The following PDCD10 variants were observed in gnomAD, a reference collection of about 807,000 sequenced individuals.
The protein encoded by PDCD10 is programmed cell death 10.
In PDCD10, 4 loss-of-function variants were observed where a neutral mutation model predicts 29.2. The ratio of observed to expected loss-of-function variants is 0.14; its 90% CI spans 0.07 to 0.31. The LOEUF (loss-of-function observed/expected upper bound fraction) is 0.31, where lower values mean the gene tolerates loss of function less well. Ranked by LOEUF, PDCD10 falls within the 10% of genes least tolerant of loss-of-function variation. The pLI, the probability that PDCD10 is intolerant of heterozygous loss-of-function variation, is 1.00. For synonymous variants in PDCD10, 70 were observed against 82.2 expected, an observed-to-expected ratio of 0.85 and a Z score of 0.80; for missense variants, 183 against 257.9, an observed-to-expected ratio of 0.71 and a Z score of 1.99.
intron 8 of PDCD10, among the ~76,000 whole-genome samples, chr3:167,685,359 C>T (rs1192892425): frequency 1.5e-5 from 2 of 137,810 alleles, no homozygotes; most frequent in Non-Finnish European, 3.0e-5. Context: ...GCAGTGAGCC[C>T]AGATCCAGCC....
chr3:167,697,959 G>A (rs1331747691), intron 4 of PDCD10: 1 of 456,468 alleles, frequency 2.2e-6, no homozygotes, highest in Non-Finnish European at 4.4e-6. Flanking sequence ...TTATGCTGAT[G>A]ATTTTCTTTC....
At chr3:167,704,227 T>A (rs967702085) in intron 4 of PDCD10, among the ~76,000 whole-genome samples, 4 of 152,210 alleles carry the variant, frequency 2.6e-5, no homozygotes, top group African/African-American at 9.6e-5. Flanking sequence ...CAAATACTTT[T>A]AAATTTTTAC....
intron 4 of PDCD10, chr3:167,698,033 T>C (rs560420493): frequency 2.2e-6 from 1 of 456,002 alleles, no homozygotes; most frequent in African/African-American, 2.0e-5. Context: ...CAGATGGCAA[T>C]CTTTTTGTTT....
intron 4 of PDCD10, among the ~76,000 whole-genome samples, chr3:167,701,073 T>C (rs1721370244): frequency 1.3e-5 from 2 of 152,040 alleles, no homozygotes; most frequent in African/African-American, 2.4e-5. Flanking sequence ...CCTCAAGCCT[T>C]GAAGGGAGAA....
chr3:167,704,530 A>G (rs998632378), intron 4 of PDCD10: 3 of 240,770 alleles, frequency 1.2e-5, no homozygotes, highest in South Asian at 5.5e-5. Flanking sequence ...GCCCAGCCAT[A>G]TAAGTTTTCA....
At chr3:167,718,138 A>G (rs1490762034) in intron 3 of PDCD10, among the ~76,000 whole-genome samples, 1 of 152,126 alleles carries the variant, frequency 6.6e-6, no homozygotes, top group Non-Finnish European at 1.5e-5. Context: ...ATTGTTACCA[A>G]GATAGGTTAC....
intron 3 of PDCD10, among the ~76,000 whole-genome samples, chr3:167,717,296 C>A (rs1388219186): frequency 2.0e-5 from 3 of 152,002 alleles, no homozygotes; most frequent in Non-Finnish European, 4.4e-5. Context: ...AAGATGATTA[C>A]TAGACTACCA....
intron 2 of PDCD10, among the ~76,000 whole-genome samples, chr3:167,727,684 G>A (rs142238576): frequency 3.2e-4 from 48 of 152,240 alleles, no homozygotes; most frequent in African/African-American, 1.1e-3. Context: ...GGTCCTCTCT[G>A]CTTAAAGGTA....
At chr3:167,725,013 T>G (rs1723949716) in intron 2 of PDCD10, among the ~76,000 whole-genome samples, 1 of 152,056 alleles carries the variant, frequency 6.6e-6, no homozygotes, top group South Asian at 2.1e-4. Flanking sequence ...TCCCAGCACT[T>G]TGGGAGGCCA....
chr3:167,711,598 G>A (rs973537372), intron 3 of PDCD10, among the ~76,000 whole-genome samples: 1 of 152,146 alleles, frequency 6.6e-6, no homozygotes, highest in Non-Finnish European at 1.5e-5. Context: ...GGTAGAAAGT[G>A]TATTCAAAGT....
intron 4 of PDCD10, among the ~76,000 whole-genome samples, chr3:167,704,074 T>C (rs1721721008): frequency 6.6e-6 from 1 of 152,206 alleles, no homozygotes; most frequent in African/African-American, 2.4e-5. Flanking sequence ...AAAACATTTA[T>C]TTTGAGTAAC....
chr3:167,695,481 G>C, intron 6 of PDCD10, 115 bp downstream of exon 6: 1 of 932,916 alleles, frequency 1.1e-6, no homozygotes, highest in Non-Finnish European at 1.7e-6. Context: ...AAAAATTTGA[G>C]ATTTTATTTC....
chr3:167,702,042 A>G (rs575667045), intron 4 of PDCD10, among the ~76,000 whole-genome samples: 2 of 152,358 alleles, frequency 1.3e-5, no homozygotes, highest in African/African-American at 4.8e-5. Flanking sequence ...TCTTTATTCA[A>G]GGCTGCTTTA....
At chr3:167,692,738 G>A (rs1284195596) in intron 6 of PDCD10, among the ~76,000 whole-genome samples, 1 of 152,180 alleles carries the variant, frequency 6.6e-6, no homozygotes, top group Non-Finnish European at 1.5e-5. Context: ...CTAACACAGT[G>A]AAACCCCATC....
rs1341701161 is a variant in PDCD10 at position 167,704,831 on chromosome 3, T to C, written c.150+11A>G. 6.4e-7 allele frequency: 1 copy of C among 1,555,990 alleles called. No individual in the cohort carries two copies. Among genetic ancestry groups the C allele is most frequent in the Admixed American group, 1.7e-5 (1 of 59,940 alleles). On this transcript the variant is annotated intron_variant, in intron 4 of 8. Coordinates refer to ENST00000392750, the MANE Select transcript of PDCD10 (RefSeq NM_007217.4). ...CACTTTAATAATCATAGTAAATTATTTGCACCTCACCTTGATGAAAGCGGC... is the reference window on the plus strand; with the variant it reads ...CACTTTAATAATCATAGTAAATTATCTGCACCTCACCTTGATGAAAGCGGC...
At chr3:167,733,779 G>A (rs1362201613) in intron 2 of PDCD10, among the ~76,000 whole-genome samples, 1 of 152,032 alleles carries the variant, frequency 6.6e-6, no homozygotes, top group African/African-American at 2.4e-5. Flanking sequence ...TTCTAAGGAT[G>A]GGATATATTG....
intron 6 of PDCD10, among the ~76,000 whole-genome samples, chr3:167,690,067 G>C (rs1399534861): frequency 6.6e-6 from 1 of 152,004 alleles, no homozygotes; most frequent in Non-Finnish European, 1.5e-5. Context: ...AAAACTTGAG[G>C]GTAAAATAAA....
At chr3:167,695,998 C>CA (rs11332537) in intron 5 of PDCD10, among the ~76,000 whole-genome samples, 90 of 142,028 alleles carry the variant, frequency 6.3e-4, no homozygotes, top group Middle Eastern at 3.5e-3. Context: ...AAAAAACACA[C>CA]AAAAAAAAAA....
chr3:167,707,903 C>A (rs1195408770), intron 3 of PDCD10, among the ~76,000 whole-genome samples: 1 of 152,030 alleles, frequency 6.6e-6, no homozygotes, highest in African/African-American at 2.4e-5. Context: ...ATAAGAGAAT[C>A]AGAGTGAGAG....
Sources: allele counts gnomAD v4.1 joint callset (sites outside exome capture counted in the v4.1 genomes callset), GRCh38; gene constraint gnomAD v4.1.1; transcripts MANE v1.5; gene names NCBI Gene and HGNC (gene_info 2026-07-23, HGNC 2026-07-21).